The following ABI3BP variants were observed in gnomAD, a reference collection of about 807,000 sequenced individuals.
The protein encoded by ABI3BP is ABI family member 3 binding protein.
ABI3BP carries 216 observed loss-of-function variants against 268.6 expected under a neutral mutation model. The ratio of observed to expected loss-of-function variants is 0.80; its 90% CI spans 0.72 to 0.90. The LOEUF is 0.90. ABI3BP is among the 40% of genes least tolerant of loss of function. The probability of loss-of-function intolerance (pLI) is 0.00; values close to 1 mark genes in which losing one functional copy is unlikely to be tolerated. For missense variants in ABI3BP, 2,090 were observed against 2,182.4 expected (o/e 0.96, Z 0.84); for synonymous variants, 730 against 730.0 (o/e 1.00, Z 0.00).
At position 100,824,912 on chromosome 3, in the gene ABI3BP, G is replaced by C. The variant is rs2098340494; in HGVS notation, c.2692C>G (p.Pro898Ala). 2.0e-6 allele frequency: 3 copies of C among 1,536,080 alleles called. No homozygotes were observed. The highest frequency in any genetic ancestry group is 2.6e-6 in the Non-Finnish European group (3 of 1,146,674). Residue 898 changes from proline to alanine, a missense_variant, in exon 36 of 68, where the codon CCA becomes GCA. Physicochemically the swap from Pro to Ala is conservative, Grantham distance 27 (BLOSUM62 -1). Coordinates refer to ENST00000471714, the MANE Select transcript of ABI3BP (RefSeq NM_001375547.2). ...ATKTSKRTRP[P>A]RPRPKTTPSP... ...GGTGTAGTTTTAGGTCTGGGACGTG[G>C]AGGGCGGGTTCTTTTTGATGTTTTG...
chr3:100,780,043 T>C lies in ABI3BP; in HGVS notation c.4240+89A>G, dbSNP rs1303703538. 5.9e-6 allele frequency: 7 copies of C among 1,186,164 alleles called. No individual in the cohort carries two copies. In the East Asian group the frequency reaches 1.4e-4, roughly 24 times the overall value. The allele number at this position is 1,186,164 out of a possible 1,614,324, so 73.5% of individuals were successfully genotyped here. ...TGATACTTCGGGGGCTGTGTGGATG[T>C]TGCTGTTTTTGCCACCAGGAATGAT... On this transcript the variant is annotated intron_variant, in intron 58 of 67. Transcript: ENST00000471714.
intron 31 of ABI3BP, among the ~76,000 whole-genome samples, chr3:100,831,841 C>T (rs1350350688): frequency 6.6e-6 from 1 of 152,152 alleles, no homozygotes; most frequent in Non-Finnish European, 1.5e-5. Flanking sequence ...AAACATGCTG[C>T]CTCATATTCG....
At chr3:100,862,502 T>C in intron 13 of ABI3BP, 117 bp from the exon 14 acceptor site, 1 of 667,742 alleles carries the variant, frequency 1.5e-6, no homozygotes, top group South Asian at 2.0e-5. Context: ...AGTATACCAA[T>C]ACAATAAAAA....
chr3:100,989,617 G>A (rs1239490115), intron 1 of ABI3BP, among the ~76,000 whole-genome samples: 4 of 152,152 alleles, frequency 2.6e-5, no homozygotes, highest in Non-Finnish European at 5.9e-5. Flanking sequence ...TATCTTGGAG[G>A]TTCCTCTGTG....
Position 100,850,229 on chromosome 3 carries a change from T to C in ABI3BP, c.1427-110A>G. The C allele has an allele frequency of 6.5e-6, 6 of 917,514 alleles. No homozygotes were observed. The South Asian group carries it at 9.8e-5, about 15-fold the overall frequency. The allele number at this position is 917,514 out of a possible 1,614,324, so 56.8% of individuals were successfully genotyped here. On this transcript the variant is annotated intron_variant, in intron 16 of 67. Coordinates refer to ENST00000471714, the MANE Select transcript of ABI3BP (RefSeq NM_001375547.2). Reference sequence around the variant, plus strand: ...TAAAGCACATGCCACGAGTACATGATTAAAGATGAAAAATGCATGTAGTCT... The same window carrying C: ...TAAAGCACATGCCACGAGTACATGACTAAAGATGAAAAATGCATGTAGTCT...
chr3:100,947,471 T>C (rs1197998164), intron 1 of ABI3BP, among the ~76,000 whole-genome samples: 1 of 152,192 alleles, frequency 6.6e-6, no homozygotes, highest in Non-Finnish European at 1.5e-5. Context: ...CAACTTTTTA[T>C]CAGGCAAATT....
At chr3:100,806,672 A>T (rs76551686) in intron 50 of ABI3BP, among the ~76,000 whole-genome samples, 1,639 of 152,198 alleles carry the variant, frequency 0.011, 12 homozygotes, top group Non-Finnish European at 0.015. Context: ...TCCGCAAGAG[A>T]TGCTGATGGA....
intron 14 of ABI3BP, among the ~76,000 whole-genome samples, chr3:100,852,428 T>A (rs1228189588): frequency 6.6e-6 from 1 of 152,214 alleles, no homozygotes; most frequent in African/African-American, 2.4e-5. Context: ...AGAGACTTAC[T>A]CATACATCAA....
rs1584621875 is a variant in ABI3BP at position 100,950,091 on chromosome 3, T to C, written c.80-23610A>G. Among the ~76,000 whole-genome samples, 3 of 152,280 alleles carry C rather than the reference T, an allele frequency of 2.0e-5. No individual in the cohort carries two copies. In the East Asian group the frequency reaches 5.8e-4, roughly 29 times the overall value. On this transcript the variant is annotated intron_variant, in intron 1 of 67. Transcript: ENST00000471714. Reference sequence around the variant, plus strand: ...TTTTTGATCTGACTTTATCCTTGGGTTCTTTTTCATTTCAGTGTACTTTGA... The same window carrying C: ...TTTTTGATCTGACTTTATCCTTGGGCTCTTTTTCATTTCAGTGTACTTTGA...
chr3:100,956,325 T>C (rs1267878232), intron 1 of ABI3BP, among the ~76,000 whole-genome samples: 2 of 151,842 alleles, frequency 1.3e-5, no homozygotes, highest in African/African-American at 4.8e-5. Flanking sequence ...TCCCCTATTA[T>C]TCTGAGCACA....
intron 9 of ABI3BP, among the ~76,000 whole-genome samples, chr3:100,869,330 G>GGTTTTTTTTTTTTTTTT (rs2099085420): frequency 2.0e-5 from 1 of 49,754 alleles, no homozygotes; most frequent in Non-Finnish European, 3.4e-5. Flanking sequence ...CTTCTTTTTG[G>GGTTTTTTTTTTTTTTTT]TTTTTTTTTT....
intron 1 of ABI3BP, among the ~76,000 whole-genome samples, chr3:100,951,581 A>G (rs543407561): frequency 1.3e-5 from 2 of 152,042 alleles, no homozygotes; most frequent in Admixed American, 6.6e-5. Context: ...GGCTCCAACC[A>G]TCATTATCTT....
chr3:100,785,508 T>C (rs536662396), intron 57 of ABI3BP, among the ~76,000 whole-genome samples: 52 of 152,342 alleles, frequency 3.4e-4, no homozygotes, highest in African/African-American at 1.2e-3. Flanking sequence ...TTGTTTTCCA[T>C]AATAATATGC....
chr3:100,873,021 C>T (rs1196488738), intron 9 of ABI3BP, among the ~76,000 whole-genome samples: 1 of 152,142 alleles, frequency 6.6e-6, no homozygotes, highest in Admixed American at 6.5e-5. Flanking sequence ...TAATAGTCCC[C>T]AGTTAAGTGC....
chr3:100,951,107 T>C (rs1423792296), intron 1 of ABI3BP, among the ~76,000 whole-genome samples: 1 of 152,012 alleles, frequency 6.6e-6, no homozygotes, highest in Admixed American at 6.6e-5. Flanking sequence ...TCTAAAAATG[T>C]CTGAGACAAG....
chr3:100,903,040 G>A (rs1490673274), intron 2 of ABI3BP, among the ~76,000 whole-genome samples: 1 of 152,128 alleles, frequency 6.6e-6, no homozygotes, highest in African/African-American at 2.4e-5. Context: ...CTCAAGGAGA[G>A]CCAATCCCGA....
intron 46 of ABI3BP, 83 bp downstream of exon 46, chr3:100,812,384 A>G: frequency 1.0e-6 from 1 of 960,846 alleles, no homozygotes; most frequent in Non-Finnish European, 1.4e-6. Context: ...GAAATGTCAC[A>G]AAGCATGAGG....
chr3:100,838,322 T>C, intron 25 of ABI3BP, 38 bp from the exon 26 acceptor site: 3 of 1,527,904 alleles, frequency 2.0e-6, no homozygotes, highest in South Asian at 2.4e-5. Flanking sequence ...GTGTTACGGC[T>C]GAGCTGTGAA....
At chr3:100,964,030 G>T (rs188326899) in intron 1 of ABI3BP, among the ~76,000 whole-genome samples, 1 of 152,292 alleles carries the variant, frequency 6.6e-6, no homozygotes, top group East Asian at 1.9e-4. Context: ...GAGTTAAGAA[G>T]AAATCACTTA....
Sources: allele counts gnomAD v4.1 joint callset (sites outside exome capture counted in the v4.1 genomes callset), GRCh38; gene constraint gnomAD v4.1.1; transcripts MANE v1.5; gene names NCBI Gene and HGNC (gene_info 2026-07-23, HGNC 2026-07-21).